GNAI1: variants seen among roughly 807,000 people sequenced by gnomAD.
GNAI1 encodes guanine nucleotide-binding protein G(i) subunit alpha-1.
GNAI1 carries 11 observed loss-of-function variants against 38.9 expected under a neutral mutation model. That is an observed-to-expected ratio of 0.28 (90% confidence interval 0.18 to 0.47). The LOEUF is 0.47. GNAI1 is among the 20% of genes least tolerant of loss of function. The probability of loss-of-function intolerance (pLI) is 0.99; values close to 1 mark genes in which losing one functional copy is unlikely to be tolerated. For synonymous variants in GNAI1, 166 were observed against 145.1 expected (o/e 1.14, Z -1.04); for missense variants, 317 against 436.9 (o/e 0.73, Z 2.45).
intron 4 of GNAI1, among the ~76,000 whole-genome samples, chr7:80,202,746 C>T (rs113655459): frequency 7.2e-5 from 11 of 152,250 alleles, no homozygotes; most frequent in African/African-American, 2.4e-4. Flanking sequence ...AAAAACACTG[C>T]GGTGATGGTC....
chr7:80,162,575 T>C (rs995905810), intron 1 of GNAI1, among the ~76,000 whole-genome samples: 1 of 152,226 alleles, frequency 6.6e-6, no homozygotes, highest in Non-Finnish European at 1.5e-5. Flanking sequence ...TGAATTCTTT[T>C]CAGCTTTATA....
Position 80,199,305 on chromosome 7 carries a change from G to A in GNAI1, c.384G>A (p.Lys128=). Residue 128 remains lysine (K), a synonymous_variant, in exon 4 of 8, where the codon AAG becomes AAA. Transcript: ENST00000649796. ...CTGCAGAACTTGCTGGAGTTATAAA[G>A]AGATTGTGGAAAGATAGTGGTGTAC... ...FMTAELAGVI[K]RLWKDSGVQA... is the part of the protein sequence containing the mutation. 3 of 1,613,390 alleles carry A rather than the reference G, an allele frequency of 1.9e-6. No homozygotes were observed. The highest frequency in any genetic ancestry group is 2.5e-6 in the Non-Finnish European group (3 of 1,179,452).
intron 1 of GNAI1, among the ~76,000 whole-genome samples, chr7:80,158,006 G>A (rs1194699583): frequency 6.6e-6 from 1 of 152,084 alleles, no homozygotes; most frequent in East Asian, 1.9e-4. Flanking sequence ...ACCACACCCG[G>A]CCCTGAAGAA....
In GNAI1 at chr7:80,217,677, A is replaced by G. The variant is rs1270465466; in HGVS notation, c.*184A>G. 4.7e-6 allele frequency: 2 copies of G among 429,508 alleles called. No individual in the cohort carries two copies. The highest frequency in any genetic ancestry group is 8.3e-6 in the Non-Finnish European group (2 of 241,710). 26.6% of individuals were successfully genotyped at this position (429,508 alleles called of 1,614,324 possible). On this transcript the variant is annotated 3_prime_UTR_variant, in exon 8 of 8. Transcript: ENST00000649796. ...AACAGAAGGACCTTTCTTAAATGTG[A>G]CAGATGGTCCTGCAGTGTGAAACTG...
intron 3 of GNAI1, among the ~76,000 whole-genome samples, chr7:80,193,344 T>C (rs2115648634): frequency 6.6e-6 from 1 of 152,286 alleles, no homozygotes; most frequent in East Asian, 1.9e-4. Flanking sequence ...TGTTGACTAA[T>C]TTTCTGTGGT....
intron 1 of GNAI1, among the ~76,000 whole-genome samples, chr7:80,171,191 A>G (rs1788092870): frequency 6.6e-6 from 1 of 152,208 alleles, no homozygotes; most frequent in Non-Finnish European, 1.5e-5. Context: ...ATTAGTATTT[A>G]CTTGCCAATT....
chr7:80,143,198 C>G (rs1467674607), intron 1 of GNAI1, among the ~76,000 whole-genome samples: 1 of 152,088 alleles, frequency 6.6e-6, no homozygotes, highest in Non-Finnish European at 1.5e-5. Flanking sequence ...CTTACCAGAT[C>G]CTTAAGAGAA....
chr7:80,157,829 C>G (rs1787845896), intron 1 of GNAI1, among the ~76,000 whole-genome samples: 1 of 152,128 alleles, frequency 6.6e-6, no homozygotes, highest in African/African-American at 2.4e-5. Context: ...GCCTCAGGCT[C>G]CCAGGTAGCT....
chr7:80,212,480 A>G (rs1361748400), intron 6 of GNAI1, among the ~76,000 whole-genome samples: 1 of 152,242 alleles, frequency 6.6e-6, no homozygotes, highest in Non-Finnish European at 1.5e-5. Flanking sequence ...GGCACAGAGC[A>G]TGACATATAG....
intron 1 of GNAI1, among the ~76,000 whole-genome samples, chr7:80,170,741 A>G (rs1788086831): frequency 6.6e-6 from 1 of 152,162 alleles, no homozygotes; most frequent in African/African-American, 2.4e-5. Flanking sequence ...CAAAGGGGAA[A>G]TCTACCCCCA....
chr7:80,169,120 A>G (rs575239172), intron 1 of GNAI1, among the ~76,000 whole-genome samples: 6 of 152,294 alleles, frequency 3.9e-5, no homozygotes, highest in African/African-American at 1.4e-4. Context: ...CCCCTTTAAA[A>G]TGTTCTTAGA....
chr7:80,181,276 G>A (rs773318454), intron 1 of GNAI1, among the ~76,000 whole-genome samples: 1 of 152,140 alleles, frequency 6.6e-6, no homozygotes, highest in Non-Finnish European at 1.5e-5. Flanking sequence ...ACCAGATAGA[G>A]TGGTAGATGG....
At chr7:80,217,248 T>TCAGTTTCATATG (rs1788988656) in intron 7 of GNAI1, 55 bp from the exon 8 acceptor site, 1 of 437,300 alleles carries the variant, frequency 2.3e-6, no homozygotes, top group East Asian at 1.1e-4. Flanking sequence ...ATTCAGTATT[T>TCAGTTTCATATG]TAAGCAGTTA....
In GNAI1 at chr7:80,221,636, C is replaced by CTTTTTTTTTTTTTT. The variant is rs71518978; in HGVS notation, c.*4155_*4168dup. On this transcript the variant is annotated 3_prime_UTR_variant, in exon 8 of 8. Coordinates refer to ENST00000649796, the MANE Select transcript of GNAI1 (RefSeq NM_002069.6). The stretch of plus-strand genomic sequence containing the variant: ...ATTTTAATGTTAGGTTGGAAATTTT[C>CTTTTTTTTTTTTTT]TTTTTTTTTTTTTTTTTTTTTTTTT... 3.2e-5 allele frequency among the ~76,000 whole-genome samples: 3 copies of CTTTTTTTTTTTTTT among 94,356 alleles called. No homozygotes were observed. The highest frequency in any genetic ancestry group is 5.9e-5 in the Non-Finnish European group (3 of 50,538). The allele number at this position is 94,356 out of a possible 152,430, so 61.9% of individuals were successfully genotyped here. A position where few individuals can be genotyped will look rare whatever the true frequency, so the allele number is the denominator to read the frequency against.
At chr7:80,181,849 G>A (rs1411365491) in intron 1 of GNAI1, among the ~76,000 whole-genome samples, 9 of 152,092 alleles carry the variant, frequency 5.9e-5, no homozygotes, top group South Asian at 2.1e-4. Flanking sequence ...GCTAATTAAC[G>A]TATCCATCAT....
At chr7:80,179,128 T>C (rs547112387) in intron 1 of GNAI1, among the ~76,000 whole-genome samples, 1 of 152,310 alleles carries the variant, frequency 6.6e-6, no homozygotes, top group South Asian at 2.1e-4. Context: ...AGGGAAAATA[T>C]AATTATTCCA....
rs1489319955 is a variant in GNAI1 at position 80,221,182 on chromosome 7, C to T, written c.*3689C>T. On this transcript the variant is annotated 3_prime_UTR_variant, in exon 8 of 8. Transcript: ENST00000649796. ...CTGGCTTCAAATCCTGGCTCAATTT[C>T]TTATTAACTGGGAAAATCTGGGCAA... Among the ~76,000 whole-genome samples the T allele has an allele frequency of 6.6e-6, 1 of 152,164 alleles. No homozygotes were observed. The highest frequency in any genetic ancestry group is 6.5e-5 in the Admixed American group (1 of 15,282).
chr7:80,224,267 C>A lies in GNAI1; in HGVS notation c.*6774C>A, dbSNP rs996665807. ...GCTCTCATTTAGTCATCAGAGCAGT[C>A]CTGCAATATTGGTAAAATTTCCATT... On this transcript the variant is annotated 3_prime_UTR_variant, in exon 8 of 8. Coordinates refer to ENST00000649796, the MANE Select transcript of GNAI1 (RefSeq NM_002069.6). Among the ~76,000 whole-genome samples the A allele has an allele frequency of 3.3e-5, 5 of 152,146 alleles. No individual in the cohort carries two copies. The highest frequency in any genetic ancestry group is 1.2e-4 in the African/African-American group (5 of 41,426).
intron 4 of GNAI1, among the ~76,000 whole-genome samples, chr7:80,202,369 C>T (rs953115889): frequency 6.6e-6 from 1 of 152,068 alleles, no homozygotes; most frequent in African/African-American, 2.4e-5. Context: ...ATTACAGGCG[C>T]CAGCCACCAC....
Sources: gnomAD v4.1 joint callset for allele counts (sites outside exome capture counted in the v4.1 genomes callset) on GRCh38, gnomAD v4.1.1 for gene constraint, MANE v1.5 for transcripts, NCBI Gene and HGNC (gene_info 2026-07-23, HGNC 2026-07-21) for gene names.